Variants in PMF1 observed in about 807,000 individuals in gnomAD.
The protein encoded by PMF1 is polyamine modulated factor 1, also known as polyamine-modulated factor 1.
In PMF1, 21 loss-of-function variants were observed where a neutral mutation model predicts 26.7. The observed-to-expected ratio is 0.79, with a 90% CI of 0.56 to 1.13. The LOEUF is 1.13. PMF1 is among the 50% of genes most tolerant of loss of function. The pLI is 0.00. For missense variants in PMF1, 266 were observed against 254.9 expected (o/e 1.04, Z -0.30); for synonymous variants, 105 against 101.0 (o/e 1.04, Z -0.24).
At chr1:156,231,993 G>T (rs1396932544) in intron 1 of PMF1, among the ~76,000 whole-genome samples, 2 of 152,180 alleles carry the variant, frequency 1.3e-5, no homozygotes, top group African/African-American at 4.8e-5. Context: ...CTCTCAAAGT[G>T]TGGTTCCCCA....
chr1:156,239,592 G>A lies in PMF1; in HGVS notation c.609G>A (p.Glu203=), dbSNP rs1045059204. 1 of 1,612,492 alleles carries A rather than the reference G, an allele frequency of 6.2e-7. No homozygotes were observed. Among genetic ancestry groups the A allele is most frequent in the African/African-American group, 1.3e-5 (1 of 75,016 alleles). Residue 203 remains glutamate, a synonymous_variant, in exon 5 of 5, where the codon GAG becomes GAA. Transcript: ENST00000368277. ...EQRELVAVLR[E]PE ...GGGAGCTGGTTGCTGTGCTGAGGGA[G>A]CCTGAGTGAGGAGACCGCCAGCCCC...
chr1:156,215,206 A>C (rs1292448933), intron 1 of PMF1, among the ~76,000 whole-genome samples: 2 of 151,924 alleles, frequency 1.3e-5, no homozygotes, highest in African/African-American at 4.8e-5. Flanking sequence ...TTACAGAACG[A>C]ATGTATAGGA....
At chr1:156,213,307 AC>A in intron 1 of PMF1, 131 bp downstream of exon 1, 1 of 1,355,954 alleles carries the variant, frequency 7.4e-7, no homozygotes, top group Non-Finnish European at 1.0e-6. Flanking sequence ...GGACGAGGCG[AC>A]CCAGTCAAAT....
At chr1:156,219,239 T>C (rs1438839070) in intron 1 of PMF1, among the ~76,000 whole-genome samples, 4 of 152,202 alleles carry the variant, frequency 2.6e-5, no homozygotes, top group Non-Finnish European at 4.4e-5. Flanking sequence ...GGGTCTTTTT[T>C]ATAAAGGCTA....
intron 1 of PMF1, among the ~76,000 whole-genome samples, chr1:156,230,694 A>G (rs764442793): frequency 2.6e-5 from 4 of 152,184 alleles, no homozygotes; most frequent in Admixed American, 6.5e-5. Context: ...TATACTGGAT[A>G]CCATTGAATA....
At chr1:156,237,623 T>C (rs1293038726) in intron 4 of PMF1, among the ~76,000 whole-genome samples, 1 of 149,268 alleles carries the variant, frequency 6.7e-6, no homozygotes, top group African/African-American at 2.6e-5. Flanking sequence ...AATTTTGTAT[T>C]TTTAATAGAG....
chr1:156,221,566 T>C (rs1206396363), intron 1 of PMF1, among the ~76,000 whole-genome samples: 5 of 152,224 alleles, frequency 3.3e-5, no homozygotes, highest in African/African-American at 1.2e-4. Context: ...TTCTCTATTC[T>C]TCACTCATCA....
intron 3 of PMF1, among the ~76,000 whole-genome samples, 153 bp from the exon 4 acceptor site, chr1:156,236,135 T>C (rs1658996112): frequency 1.3e-5 from 2 of 152,080 alleles, no homozygotes; most frequent in South Asian, 4.1e-4. Flanking sequence ...GGAACAGGTC[T>C]TGGGAGGTGA....
intron 1 of PMF1, among the ~76,000 whole-genome samples, chr1:156,220,315 G>A (rs1441081863): frequency 1.3e-5 from 2 of 151,940 alleles, no homozygotes; most frequent in African/African-American, 2.4e-5. Flanking sequence ...CTGCCTCAGC[G>A]TCCTGAGTAG....
rs1659011061 is a variant in PMF1 at position 156,236,340 on chromosome 1, T to G, written c.421T>G (p.Phe141Val). ...KDLHSVMAPY[F>V]LQQRDTLRRH... is the part of the protein sequence containing the mutation. Reference sequence around the variant, plus strand: ...TCTGCACAGTGTTATGGCACCCTACTTCCTGCAGCAACGGGACACCCTGCG... The same window carrying G: ...TCTGCACAGTGTTATGGCACCCTACGTCCTGCAGCAACGGGACACCCTGCG... Residue 141 changes from phenylalanine (F) to valine (V), a missense_variant, in exon 4 of 5, where the codon TTC becomes GTC. Transcript: ENST00000368277. 7.4e-6 allele frequency: 12 copies of G among 1,614,086 alleles called. No individual in the cohort carries two copies. The highest frequency in any genetic ancestry group is 1.0e-5 in the Non-Finnish European group (12 of 1,180,036).
chr1:156,221,773 A>C (rs549345221), intron 1 of PMF1, among the ~76,000 whole-genome samples: 10 of 152,302 alleles, frequency 6.6e-5, no homozygotes, highest in African/African-American at 2.4e-4. Flanking sequence ...GTGATCCCTG[A>C]GTTGGTTGAA....
chr1:156,218,575 A>G (rs1389671414), intron 1 of PMF1, among the ~76,000 whole-genome samples: 2 of 152,106 alleles, frequency 1.3e-5, no homozygotes, highest in African/African-American at 4.8e-5. Context: ...AGGTCAAGAG[A>G]TTGAGACCAT....
intron 1 of PMF1, among the ~76,000 whole-genome samples, chr1:156,231,216 CAAAAAA>C (rs71080753): frequency 2.1e-4 from 10 of 48,396 alleles, no homozygotes; most frequent in Non-Finnish European, 2.9e-4. Flanking sequence ...GACTCCATCT[CAAAAAA>C]AAAAAAAAAA....
chr1:156,214,043 C>G (rs921529527), intron 1 of PMF1, among the ~76,000 whole-genome samples: 3 of 152,184 alleles, frequency 2.0e-5, no homozygotes, highest in Non-Finnish European at 2.9e-5. Flanking sequence ...TCCCAAGTAG[C>G]TGGGATTACA....
intron 4 of PMF1, among the ~76,000 whole-genome samples, chr1:156,238,150 A>G (rs1000125308): frequency 1.3e-5 from 2 of 152,222 alleles, no homozygotes; most frequent in South Asian, 4.1e-4. Context: ...GTCTGTTCTT[A>G]TAACAGTACC....
intron 1 of PMF1, among the ~76,000 whole-genome samples, chr1:156,221,830 A>G (rs1273535109): frequency 6.6e-6 from 1 of 152,162 alleles, no homozygotes; most frequent in East Asian, 1.9e-4. Context: ...GAGAGTCCTC[A>G]TTGGCCTGTC....
rs1348332167 is a variant in PMF1, at chr1:156,216,763, C to T, written c.161+3587C>T. On this transcript the variant is annotated intron_variant, in intron 1 of 4. Transcript: ENST00000368277. ...CCGTGCCGTGCGTGTCAGGCGTTCT[C>T]GTCTCCGCTGGGTTGTCCGCCGCCC... Among the ~76,000 whole-genome samples the T allele has an allele frequency of 3.9e-5, 6 of 152,046 alleles. No homozygotes were observed. The East Asian group carries it at 5.8e-4, about 15-fold the overall frequency.
At chr1:156,216,876 A>G (rs1657780295) in intron 1 of PMF1, among the ~76,000 whole-genome samples, 1 of 152,058 alleles carries the variant, frequency 6.6e-6, no homozygotes, top group Non-Finnish European at 1.5e-5. Flanking sequence ...AATGTGGCAC[A>G]TATACACCAT....
At chr1:156,216,824 A>G (rs7534434) in intron 1 of PMF1, among the ~76,000 whole-genome samples, 63,695 of 151,442 alleles carry the variant, frequency 0.42, 14,871 homozygotes, top group African/African-American at 0.63. Flanking sequence ...GGGCCGATCG[A>G]CTCGCTGGCC....
Sources: gnomAD v4.1 joint callset for allele counts (sites outside exome capture counted in the v4.1 genomes callset) on GRCh38, gnomAD v4.1.1 for gene constraint, MANE v1.5 for transcripts, NCBI Gene and HGNC (gene_info 2026-07-23, HGNC 2026-07-21) for gene names.